The following RAF1 variants were observed in gnomAD, a reference collection of about 807,000 sequenced individuals.
RAF1 encodes the protein RAF proto-oncogene serine/threonine-protein kinase.
RAF1 carries 27 observed loss-of-function variants against 81.1 expected under a neutral mutation model. That is an observed-to-expected ratio of 0.33 (90% CI 0.25 to 0.46). The LOEUF is 0.46. RAF1 is among the 20% of genes least tolerant of loss of function. The pLI, the probability that RAF1 is intolerant of heterozygous loss-of-function variation, is 1.00. For missense variants in RAF1, 598 were observed against 826.0 expected, an observed-to-expected ratio of 0.72 and a Z score of 3.38; for synonymous variants, 298 against 294.0, an observed-to-expected ratio of 1.01 and a Z score of -0.14.
intron 13 of RAF1, 105 bp downstream of exon 12, chr3:12,590,693 T>C (rs2058485611): frequency 7.7e-7 from 1 of 1,293,864 alleles, no homozygotes; most frequent in Non-Finnish European, 1.1e-6. Context: ...TGCAAAGATA[T>C]CACAGAATCG....
intron 1 of RAF1, among the ~76,000 whole-genome samples, chr3:12,648,418 A>G (rs960438402): frequency 1.2e-4 from 19 of 152,188 alleles, no homozygotes; most frequent in Admixed American, 1.2e-3. Context: ...TAAATCTTGC[A>G]TATTCAACAA....
chr3:12,632,839 G>A (rs1159046783), intron 1 of RAF1, among the ~76,000 whole-genome samples: 2 of 152,034 alleles, frequency 1.3e-5, no homozygotes, highest in Non-Finnish European at 2.9e-5. Context: ...CTGACGTGAA[G>A]AGGAAAAAAC....
intron 11 of RAF1, among the ~76,000 whole-genome samples, chr3:12,595,879 C>T (rs902447079): frequency 6.9e-6 from 1 of 144,924 alleles, no homozygotes; most frequent in Non-Finnish European, 1.5e-5. Flanking sequence ...CCTTAAGTTT[C>T]TTTTTTTTTT....
chr3:12,654,443 A>C (rs984644355), intron 1 of RAF1, among the ~76,000 whole-genome samples: 3 of 151,964 alleles, frequency 2.0e-5, no homozygotes, highest in African/African-American at 7.2e-5. Flanking sequence ...CTCTACAAAA[A>C]ATACAAAAAT....
At position 12,604,026 on chromosome 3, in the gene RAF1, GA is replaced by G. The variant is rs1575572711; in HGVS notation, c.834+109del. The G allele has an allele frequency of 1.0e-5, 13 of 1,238,766 alleles. No homozygotes were observed. The East Asian group carries it at 2.8e-4, about 27-fold the overall frequency. The allele number at this position is 1,238,766 out of a possible 1,614,324, so 76.7% of individuals were successfully genotyped here. ...AAACTGTAAAAGTCCAGAGACCTGA[GA>G]AAGTGTTGCAACATTCCTTGATCAG... On this transcript the variant is annotated intron_variant, in intron 7 of 17. Transcript: ENST00000442415.
At chr3:12,652,132 C>T (rs1057346512) in intron 1 of RAF1, among the ~76,000 whole-genome samples, 1 of 151,714 alleles carries the variant, frequency 6.6e-6, no homozygotes, top group Admixed American at 6.6e-5. Context: ...AGGAGAATCG[C>T]TTGAACCCAG....
intron 11 of RAF1, among the ~76,000 whole-genome samples, chr3:12,596,010 G>A (rs1237989300): frequency 2.0e-5 from 3 of 150,696 alleles, no homozygotes; most frequent in Non-Finnish European, 3.0e-5. Flanking sequence ...CGAGTAGCGG[G>A]GACAACAGAC....
At chr3:12,645,112 A>T (rs906967163) in intron 1 of RAF1, among the ~76,000 whole-genome samples, 14 of 151,718 alleles carry the variant, frequency 9.2e-5, no homozygotes, top group South Asian at 2.1e-4. Flanking sequence ...AAAAAAAAAA[A>T]AAAAAAAAAT....
At chr3:12,634,506 G>T (rs916782943) in intron 1 of RAF1, among the ~76,000 whole-genome samples, 1 of 150,662 alleles carries the variant, frequency 6.6e-6, no homozygotes, top group African/African-American at 2.5e-5. Flanking sequence ...AAAGACTTAG[G>T]ATATAGGAAA....
intron 11 of RAF1, among the ~76,000 whole-genome samples, chr3:12,593,429 C>T (rs777864171): frequency 1.3e-5 from 2 of 148,688 alleles, no homozygotes; most frequent in African/African-American, 4.9e-5. Flanking sequence ...ATGGTCCTCA[C>T]GATAGGCCCA....
intron 11 of RAF1, among the ~76,000 whole-genome samples, chr3:12,595,040 G>A (rs1327222074): frequency 1.3e-5 from 2 of 152,104 alleles, no homozygotes; most frequent in African/African-American, 2.4e-5. Flanking sequence ...ATAGGAAAAC[G>A]GATTTCAACT....
chr3:12,653,026 A>G (rs1210783526), intron 1 of RAF1, among the ~76,000 whole-genome samples: 5 of 152,078 alleles, frequency 3.3e-5, no homozygotes, highest in Non-Finnish European at 7.3e-5. Context: ...TCATGCCTAT[A>G]AGCCCAGCAC....
At chr3:12,652,885 G>A (rs993286589) in intron 1 of RAF1, among the ~76,000 whole-genome samples, 11 of 151,564 alleles carry the variant, frequency 7.3e-5, no homozygotes, top group Non-Finnish European at 1.3e-4. Flanking sequence ...TGAGTACAGT[G>A]AGCCAAGATT....
At position 12,585,533 on chromosome 3, in the gene RAF1, A is replaced by G; in HGVS notation, c.1596+148T>C. ...TTCTGATCAACAGCTTCCTCAAGAA[A>G]ATCTACAATTGCCCTGAGGCTGGCT... On this transcript the variant is annotated intron_variant, in intron 15 of 17. Transcript: ENST00000442415. 5.0e-6 allele frequency: 7 copies of G among 1,398,056 alleles called. No individual in the cohort carries two copies. In the South Asian group the frequency reaches 8.6e-5, roughly 17 times the overall value. 86.6% of individuals were successfully genotyped at this position (1,398,056 alleles called of 1,614,324 possible). A position where few individuals can be genotyped will look rare whatever the true frequency, so the allele number is the denominator to read the frequency against.
chr3:12,609,360 G>T (rs2059140899), intron 3 of RAF1, 25 bp from the exon 4 acceptor site: 3 of 1,487,334 alleles, frequency 2.0e-6, no homozygotes, highest in Non-Finnish European at 2.8e-6. Context: ...AAAAAAACAT[G>T]AAATGTTTAA....
At position 12,643,827 on chromosome 3, in the gene RAF1, T is replaced by C. The variant is rs552033238; in HGVS notation, c.-27+19986A>G. Among the ~76,000 whole-genome samples, 69 of 152,266 alleles carry C rather than the reference T, an allele frequency of 4.5e-4. 1 individual carries two copies. The South Asian group carries it at 8.1e-3, about 18-fold the overall frequency. Reference sequence around the variant, plus strand: ...TAAATTGCTGAGAAGTGATCTTACATAGGAATCTTGTATAATTTATTCTGA... The same window carrying C: ...TAAATTGCTGAGAAGTGATCTTACACAGGAATCTTGTATAATTTATTCTGA... On this transcript the variant is annotated intron_variant, in intron 1 of 17. Transcript: ENST00000442415.
rs368465923 is a variant in RAF1, at chr3:12,618,725, T to G, written c.-4A>C. The stretch of plus-strand genomic sequence containing the variant: ...AAGCTCCCTGTATGTGCTCCATTGA[T>G]GCAGCTTAAACAATTCTTAAACCTG... On this transcript the variant is annotated 5_prime_UTR_variant, in exon 2 of 18. Coordinates refer to ENST00000442415, the MANE Select transcript of RAF1 (RefSeq NM_001354689.3). The G allele has an allele frequency of 3.7e-6, 6 of 1,613,958 alleles. No individual in the cohort carries two copies. The highest frequency in any genetic ancestry group is 1.3e-5 in the African/African-American group (1 of 74,936).
Position 12,626,349 on chromosome 3 carries a change from A to G in RAF1, c.-26-7602T>C, listed in dbSNP as rs549812450. Among the ~76,000 whole-genome samples, 10 of 152,084 alleles carry G rather than the reference A, an allele frequency of 6.6e-5. No homozygotes were observed. In the South Asian group the frequency reaches 2.1e-3, roughly 32 times the overall value. ...CACCTGCAAATCCCAGGACTCTGGA[A>G]GGCTGAGATGGGAGGACTACTTGAG... On this transcript the variant is annotated intron_variant, in intron 1 of 17. Coordinates refer to ENST00000442415, the MANE Select transcript of RAF1 (RefSeq NM_001354689.3).
chr3:12,655,252 T>G (rs1447369455), intron 1 of RAF1, among the ~76,000 whole-genome samples: 8 of 152,010 alleles, frequency 5.3e-5, no homozygotes, highest in Admixed American at 4.6e-4. Context: ...CCAGCGAATT[T>G]TTTTTGTACT....
Sources: allele counts gnomAD v4.1 joint callset (sites outside exome capture counted in the v4.1 genomes callset), GRCh38; gene constraint gnomAD v4.1.1; transcripts MANE v1.5; gene names NCBI Gene and HGNC (gene_info 2026-07-23, HGNC 2026-07-21).